CADM3: variants seen among roughly 807,000 people sequenced by gnomAD.
CADM3 encodes TSLC1-like 1.
A neutral mutation model predicts 44.9 loss-of-function variants in CADM3; 11 were observed. The ratio of observed to expected loss-of-function variants is 0.25; its 90% CI spans 0.15 to 0.41. CADM3 has a LOEUF of 0.41. CADM3 is among the 10% of genes least tolerant of loss of function. The pLI, the probability that CADM3 is intolerant of heterozygous loss-of-function variation, is 1.00. For missense variants in CADM3, 426 were observed against 512.0 expected (o/e 0.83, Z 1.62); for synonymous variants, 207 against 205.2 (o/e 1.01, Z -0.08).
intron 7 of CADM3, among the ~76,000 whole-genome samples, chr1:159,199,385 GAA>G (rs1650049960): frequency 6.7e-6 from 1 of 149,390 alleles, no homozygotes; most frequent in African/African-American, 2.5e-5. Context: ...GGAAGGAAAA[GAA>G]GAGGCGGAGG....
chr1:159,196,313 C>T, intron 5 of CADM3, 51 bp from the exon 6 acceptor site: 3 of 1,439,930 alleles, frequency 2.1e-6, no homozygotes. Flanking sequence ...GTGAGGGAAT[C>T]TCCTAAGCCG....
chr1:159,172,495 G>A (rs1229763511), intron 1 of CADM3, among the ~76,000 whole-genome samples: 3 of 152,138 alleles, frequency 2.0e-5, no homozygotes, highest in Non-Finnish European at 4.4e-5. Flanking sequence ...AGGGCGGAGG[G>A]GGCCCAGGAT....
intron 1 of CADM3, chr1:159,189,970 C>T: frequency 3.9e-6 from 3 of 770,834 alleles, no homozygotes; most frequent in Non-Finnish European, 6.5e-6. Context: ...TGTTCTCACT[C>T]CTCTCATTAC....
At chr1:159,173,797 G>A (rs887448370) in intron 1 of CADM3, among the ~76,000 whole-genome samples, 4 of 152,146 alleles carry the variant, frequency 2.6e-5, no homozygotes, top group Non-Finnish European at 2.9e-5. Context: ...AGAGAAAGAC[G>A]TCATCCAGAA....
chr1:159,179,808 T>C (rs1345943759), intron 1 of CADM3, among the ~76,000 whole-genome samples: 1 of 148,510 alleles, frequency 6.7e-6, no homozygotes, highest in Non-Finnish European at 1.5e-5. Flanking sequence ...CTCCTAATCA[T>C]TTTTTTTTTG....
chr1:159,184,822 G>A (rs1649356654), intron 1 of CADM3, among the ~76,000 whole-genome samples: 3 of 152,190 alleles, frequency 2.0e-5, no homozygotes, highest in African/African-American at 7.2e-5. Context: ...TCTGTGCTAT[G>A]AGTGAAAAAC....
intron 5 of CADM3, 134 bp from the exon 6 acceptor site, chr1:159,196,227 TAGG>T: frequency 3.2e-6 from 2 of 629,576 alleles, no homozygotes; most frequent in Non-Finnish European, 5.7e-6. Flanking sequence ...TCATGAGAAG[TAGG>T]AGAAGGAAGG....
chr1:159,198,805 G>A (rs1454311684), intron 7 of CADM3, among the ~76,000 whole-genome samples: 3 of 152,148 alleles, frequency 2.0e-5, no homozygotes, highest in African/African-American at 7.2e-5. Context: ...AGTCTGTGCT[G>A]TTGATCCTCT....
At chr1:159,171,904 G>A in intron 1 of CADM3, 51 bp downstream of exon 1, 1 of 1,164,674 alleles carries the variant, frequency 8.6e-7, no homozygotes, top group East Asian at 3.2e-5. Context: ...GACCCGAGGC[G>A]GGGGCTGGGA....
Position 159,171,683 on chromosome 1 carries a change from T to G in CADM3, c.-83T>G. The stretch of plus-strand genomic sequence containing the variant: ...CTCGGGGGCGCCCTTTCGGTCAACA[T>G]CGTAGTCCACCCCCTCCCCATCCCC... On this transcript the variant is annotated 5_prime_UTR_variant, in exon 1 of 9. Coordinates refer to ENST00000368125, the MANE Select transcript of CADM3 (RefSeq NM_001127173.3). The G allele has an allele frequency of 9.4e-7, 1 of 1,062,114 alleles. No individual in the cohort carries two copies. Among genetic ancestry groups the G allele is most frequent in the Non-Finnish European group, 1.2e-6 (1 of 833,736 alleles). 65.8% of individuals were successfully genotyped at this position (1,062,114 alleles called of 1,614,324 possible).
chr1:159,178,138 A>G (rs1285494820), intron 1 of CADM3, among the ~76,000 whole-genome samples: 6 of 152,252 alleles, frequency 3.9e-5, no homozygotes, highest in Non-Finnish European at 7.3e-5. Context: ...TTAGGCAATA[A>G]CGACAGGGGA....
intron 7 of CADM3, chr1:159,197,278 A>C: frequency 2.1e-6 from 1 of 486,220 alleles, no homozygotes; most frequent in South Asian, 3.0e-5. Context: ...GTGGGCTCTC[A>C]TCTGCCTTTC....
chr1:159,192,487 C>A, intron 2 of CADM3, 91 bp from the exon 3 acceptor site: 4 of 1,487,022 alleles, frequency 2.7e-6, no homozygotes, highest in Admixed American at 1.7e-5. Flanking sequence ...CATACTAGAC[C>A]CCTTCCCCCA....
intron 1 of CADM3, among the ~76,000 whole-genome samples, chr1:159,183,340 A>C (rs938128800): frequency 2.0e-5 from 3 of 152,116 alleles, no homozygotes; most frequent in Non-Finnish European, 2.9e-5. Context: ...TATGCCTCCT[A>C]GGAGAGTAAA....
At chr1:159,200,367 T>G (rs1198264144) in intron 8 of CADM3, among the ~76,000 whole-genome samples, 1 of 152,236 alleles carries the variant, frequency 6.6e-6, no homozygotes, top group East Asian at 1.9e-4. Flanking sequence ...CTTCCTGCTC[T>G]GCTATTAATT....
At position 159,201,585 on chromosome 1, in the gene CADM3, G is replaced by T. The variant is rs376442480; in HGVS notation, c.*663G>T. The T allele has an allele frequency of 5.9e-5, 9 of 152,476 alleles. No homozygotes were observed. Among genetic ancestry groups the T allele is most frequent in the African/African-American group, 2.2e-4 (9 of 41,586 alleles). The allele number at this position is 152,476 out of a possible 1,614,324, so 9.4% of individuals were successfully genotyped here. On this transcript the variant is annotated 3_prime_UTR_variant, in exon 9 of 9. Transcript: ENST00000368125. ...CCTGCAGACAACATGCAGCCATGCA[G>T]GGACCCAGGACTGTAACCTGGGGAG...
At chr1:159,191,809 G>A (rs867942608) in intron 1 of CADM3, 127 bp from the exon 2 acceptor site, 10 of 1,056,008 alleles carry the variant, frequency 9.5e-6, no homozygotes, top group Middle Eastern at 3.1e-4. Flanking sequence ...GAAACCTTAC[G>A]GGTACACAGA....
chr1:159,185,840 C>T (rs185480385), intron 1 of CADM3, among the ~76,000 whole-genome samples: 45 of 152,258 alleles, frequency 3.0e-4, no homozygotes, highest in African/African-American at 1.0e-3. Flanking sequence ...CTTCTATAAG[C>T]AATATGCTAT....
At chr1:159,196,160 T>C (rs1468397605) in intron 5 of CADM3, 3 of 547,980 alleles carry the variant, frequency 5.5e-6, no homozygotes, top group African/African-American at 3.8e-5. Flanking sequence ...CAGAATCCTA[T>C]CACACAAGGT....
Sources: gnomAD v4.1 joint callset for allele counts (sites outside exome capture counted in the v4.1 genomes callset) on GRCh38, gnomAD v4.1.1 for gene constraint, MANE v1.5 for transcripts, NCBI Gene and HGNC (gene_info 2026-07-23, HGNC 2026-07-21) for gene names.